BMX: variants seen among roughly 807,000 people sequenced by gnomAD.
BMX encodes BMX non-receptor tyrosine kinase.
In BMX, 31 loss-of-function variants were observed where a neutral mutation model predicts 59.2. The ratio of observed to expected loss-of-function variants is 0.52; its 90% CI spans 0.39 to 0.71. The LOEUF is 0.71. Among genes scored for constraint, BMX ranks in the 30% least tolerant of loss-of-function variants. The pLI is 0.00. For missense variants in BMX, 474 were observed against 491.7 expected (o/e 0.96, Z 0.34); for synonymous variants, 185 against 181.0 (o/e 1.02, Z -0.18).
intron 14 of BMX, among the ~76,000 whole-genome samples, chrX:15,538,438 G>A (rs1001056243): frequency 5.4e-5 from 6 of 111,755 alleles, no homozygotes; most frequent in East Asian, 5.7e-4. Flanking sequence ...TGATGTTATA[G>A]TAGGTCTCTG....
chrX:15,555,863 G>T (rs949887989), intron 18 of BMX, among the ~76,000 whole-genome samples: 3 of 111,849 alleles, frequency 2.7e-5, no homozygotes, highest in African/African-American at 9.8e-5. Context: ...CTTTCCAATT[G>T]CATTGGTTAA....
chrX:15,543,253 A>G (rs1925784907), intron 16 of BMX, 118 bp downstream of exon 16: 5 of 595,027 alleles, frequency 8.4e-6, no homozygotes, highest in Non-Finnish European at 1.3e-5. Context: ...GGGCTTAGAA[A>G]CCTAAGTCCC....
chrX:15,518,531 T>TA (rs1924277118), intron 6 of BMX, among the ~76,000 whole-genome samples: 1 of 112,172 alleles, frequency 8.9e-6, no homozygotes, highest in African/African-American at 3.2e-5. Flanking sequence ...TCTCAAATGA[T>TA]AAAAATGTCC....
intron 17 of BMX, among the ~76,000 whole-genome samples, chrX:15,548,457 A>C (rs1308014321): frequency 9.9e-6 from 1 of 101,159 alleles, no homozygotes; most frequent in African/African-American, 3.7e-5. Flanking sequence ...AGGCTGTCTT[A>C]AAAAAAAAAA....
At chrX:15,522,116 G>T (rs1924486138) in intron 6 of BMX, among the ~76,000 whole-genome samples, 2 of 110,745 alleles carry the variant, frequency 1.8e-5, no homozygotes, top group Admixed American at 1.9e-4. Flanking sequence ...CAATGTTGTT[G>T]TACCACTTCA....
At chrX:15,537,553 C>T (rs756599769) in intron 14 of BMX, among the ~76,000 whole-genome samples, 9 of 111,890 alleles carry the variant, frequency 8.0e-5, no homozygotes, top group Non-Finnish European at 1.7e-4. Flanking sequence ...TCCCAAGACT[C>T]TACAAAGAAA....
At chrX:15,517,327 T>C (rs1326715171) in intron 5 of BMX, among the ~76,000 whole-genome samples, 1 of 112,257 alleles carries the variant, frequency 8.9e-6, no homozygotes, top group Admixed American at 9.4e-5. Context: ...TAATGTCTCC[T>C]TATGGTATTA....
At chrX:15,542,471 T>G (rs975123519) in intron 15 of BMX, among the ~76,000 whole-genome samples, 1 of 111,543 alleles carries the variant, frequency 9.0e-6, no homozygotes, top group African/African-American at 3.3e-5. Flanking sequence ...TTCTGCCAAT[T>G]TAGTGTCTCT....
intron 17 of BMX, among the ~76,000 whole-genome samples, chrX:15,549,433 T>C (rs1339989571): frequency 8.9e-6 from 1 of 112,032 alleles, no homozygotes; most frequent in Non-Finnish European, 1.9e-5. Flanking sequence ...AGAGACGGAA[T>C]GGGTGAGGAC....
intron 17 of BMX, among the ~76,000 whole-genome samples, chrX:15,548,715 C>A (rs1222664387): frequency 8.9e-6 from 1 of 111,877 alleles, no homozygotes; most frequent in Non-Finnish European, 1.9e-5. Context: ...CAAAGAAGAA[C>A]CCCACAGATA....
At chrX:15,513,756 G>C (rs759272015) in intron 4 of BMX, among the ~76,000 whole-genome samples, 1 of 111,360 alleles carries the variant, frequency 9.0e-6, no homozygotes. Context: ...ACAGAAGGGG[G>C]TTTTGCAGAG....
chrX:15,550,932 G>A (rs942255981), intron 18 of BMX, among the ~76,000 whole-genome samples: 1 of 111,336 alleles, frequency 9.0e-6, no homozygotes, highest in Admixed American at 9.6e-5. Context: ...AATTTCCTAA[G>A]TATGTGAGTG....
chrX:15,555,616 C>T (rs374871586), intron 18 of BMX, among the ~76,000 whole-genome samples: 6 of 111,172 alleles, frequency 5.4e-5, no homozygotes, highest in African/African-American at 1.6e-4. Context: ...ATTTTGGTGG[C>T]GTTGCTATTA....
chrX:15,500,933 C>A lies in BMX; in HGVS notation c.-17C>A, dbSNP rs2147098956. 8 of 754,591 alleles carry A rather than the reference C, an allele frequency of 1.1e-5. No individual in the cohort carries two copies. The highest frequency in any genetic ancestry group is 1.3e-5 in the Non-Finnish European group (8 of 639,470). 62.2% of individuals were successfully genotyped at this position (754,591 alleles called of 1,213,427 possible). A position where few individuals can be genotyped will look rare whatever the true frequency, so the allele number is the denominator to read the frequency against. On this transcript the variant is annotated 5_prime_UTR_variant, in exon 1 of 19. It adds an upstream start codon to the 5' untranslated region. Coordinates refer to ENST00000348343, the MANE Select transcript of BMX (RefSeq NM_203281.3). ...CGGACCCAGGCAAGCACGGAACAAG[C>A]TGAGACGGTGCGTTTAAGCGGCAGG... is the stretch of plus-strand genomic sequence containing the variant.
chrX:15,508,070 T>C (rs1383810375), intron 1 of BMX, among the ~76,000 whole-genome samples: 1 of 112,083 alleles, frequency 8.9e-6, no homozygotes, highest in Non-Finnish European at 1.9e-5. Context: ...GTCTGGAGAA[T>C]GGGGCAAAGA....
intron 7 of BMX, among the ~76,000 whole-genome samples, chrX:15,522,848 C>T (rs1924532153): frequency 8.9e-6 from 1 of 112,088 alleles, no homozygotes; most frequent in Admixed American, 9.4e-5. Flanking sequence ...CTTCTCCCCC[C>T]AAATATCTCC....
At chrX:15,542,941 C>A in intron 15 of BMX, 130 bp from the exon 16 acceptor site, 1 of 559,725 alleles carries the variant, frequency 1.8e-6, no homozygotes, top group South Asian at 4.0e-5. Context: ...AAAAAAAAGA[C>A]AACTTTAGAG....
chrX:15,502,812 A>G (rs1031599297), intron 1 of BMX, among the ~76,000 whole-genome samples: 2 of 111,886 alleles, frequency 1.8e-5, no homozygotes, highest in Non-Finnish European at 1.9e-5. Flanking sequence ...TCAGTTATTT[A>G]GCACGAAGAT....
chrX:15,529,191 T>C (rs142500001), intron 9 of BMX, among the ~76,000 whole-genome samples: 181 of 111,916 alleles, frequency 1.6e-3, no homozygotes, highest in African/African-American at 4.8e-3. Flanking sequence ...TTCTATTTTA[T>C]TGAGCTGTCC....
Sources: gnomAD v4.1 joint callset for allele counts (sites outside exome capture counted in the v4.1 genomes callset) on GRCh38, gnomAD v4.1.1 for gene constraint, MANE v1.5 for transcripts, NCBI Gene and HGNC (gene_info 2026-07-23, HGNC 2026-07-21) for gene names.